CCDC82: variants seen among roughly 807,000 people sequenced by gnomAD.
CCDC82 encodes the protein coiled-coil domain containing 82, also known as coiled-coil domain-containing protein 82.
In CCDC82, 47 loss-of-function variants were observed where a neutral mutation model predicts 60.6. The observed-to-expected ratio is 0.77, with a 90% CI of 0.61 to 0.99. The LOEUF (loss-of-function observed/expected upper bound fraction) is 0.99. CCDC82 is among the 50% of genes least tolerant of loss of function. The pLI is 0.00. For synonymous variants in CCDC82, 212 were observed against 207.4 expected, an observed-to-expected ratio of 1.02 and a Z score of -0.19; for missense variants, 588 against 633.0, an observed-to-expected ratio of 0.93 and a Z score of 0.76.
intron 9 of CCDC82, chr11:96,355,298 G>A (rs1001535591): frequency 1.3e-5 from 2 of 151,996 alleles, no homozygotes; most frequent in Non-Finnish European, 2.9e-5. Flanking sequence ...GGGCTCAGGC[G>A]ATTCTACCAC....
intron 5 of CCDC82, among the ~76,000 whole-genome samples, chr11:96,380,317 T>TA (rs572628552): frequency 3.2e-4 from 49 of 151,768 alleles, no homozygotes; most frequent in Middle Eastern, 6.8e-3. Flanking sequence ...TTTGTAGGGA[T>TA]AAAATCATTG....
chr11:96,370,715 A>G (rs1330932767), intron 7 of CCDC82, among the ~76,000 whole-genome samples: 1 of 151,988 alleles, frequency 6.6e-6, no homozygotes, highest in Non-Finnish European at 1.5e-5. Flanking sequence ...TGACCATGGA[A>G]CTCTCTTTTC....
intron 7 of CCDC82, 82 bp from the exon 8 acceptor site, chr11:96,365,232 A>G: frequency 1.1e-6 from 1 of 911,000 alleles, no homozygotes; most frequent in Non-Finnish European, 1.6e-6. Context: ...AAAACATCTT[A>G]GGGATTACAA....
rs540552335 is a variant in CCDC82 at position 96,388,240 on chromosome 11, G to C, written c.-138-627C>G. On this transcript the variant is annotated intron_variant, in intron 1 of 9. Coordinates refer to ENST00000646818, the MANE Select transcript of CCDC82 (RefSeq NM_024725.4). ...GGAAGAGAAATGTGAAGGAAAGCTAGTTTGATGGGTAAGATACCTCTTGGT... is the reference window on the plus strand; with the variant it reads ...GGAAGAGAAATGTGAAGGAAAGCTACTTTGATGGGTAAGATACCTCTTGGT... The C allele has an allele frequency of 3.9e-5, 6 of 152,354 alleles. No homozygotes were observed. In the East Asian group the frequency reaches 1.2e-3, roughly 29 times the overall value. The allele number at this position is 152,354 out of a possible 1,614,324, so 9.4% of individuals were successfully genotyped here.
At chr11:96,379,596 G>A (rs140933598) in intron 5 of CCDC82, among the ~76,000 whole-genome samples, 101 of 151,832 alleles carry the variant, frequency 6.7e-4, no homozygotes, top group African/African-American at 2.3e-3. Flanking sequence ...TTGTTTTATT[G>A]AGCTTTACTA....
At chr11:96,356,908 G>C (rs1330951230) in intron 9 of CCDC82, 1 of 985,318 alleles carries the variant, frequency 1.0e-6, no homozygotes, top group Admixed American at 6.2e-5. Flanking sequence ...ATACAAGCTG[G>C]AGGCAGAAAG....
At chr11:96,388,512 C>A (rs981852138) in intron 1 of CCDC82, 1 of 152,142 alleles carries the variant, frequency 6.6e-6, no homozygotes, top group Non-Finnish European at 1.5e-5. Flanking sequence ...ATGTTATCTG[C>A]CAAAGAATAT....
At chr11:96,374,465 G>A (rs1865458173) in intron 5 of CCDC82, among the ~76,000 whole-genome samples, 1 of 152,026 alleles carries the variant, frequency 6.6e-6, no homozygotes, top group Non-Finnish European at 1.5e-5. Context: ...TTTCTAAGGA[G>A]ACACCTATAG....
intron 9 of CCDC82, 116 bp downstream of exon 9, chr11:96,358,877 C>A: frequency 9.7e-7 from 1 of 1,032,148 alleles, no homozygotes; most frequent in Non-Finnish European, 1.4e-6. Flanking sequence ...AAAATACAAA[C>A]GACAGAAGAA....
intron 1 of CCDC82, chr11:96,388,695 T>C (rs1866349603): frequency 6.6e-6 from 1 of 152,228 alleles, no homozygotes; most frequent in African/African-American, 2.4e-5. Context: ...AATCACCTAC[T>C]TGCTGTATAA....
rs772648562 is a variant in CCDC82 at position 96,383,978 on chromosome 11, C to G, written c.770G>C (p.Ser257Thr). Residue 257 changes from serine to threonine, a missense_variant, in exon 4 of 10, where the codon AGT becomes ACT. Coordinates refer to ENST00000646818, the MANE Select transcript of CCDC82 (RefSeq NM_024725.4). ...ATAACACACCTCAAAATCTCTACCA[C>G]TACTGCGTCTCTGACGAGATCTTTG... ...SKQRSRQRRS[S>T]GRDFEDSEKE... 1.2e-6 allele frequency: 2 copies of G among 1,611,926 alleles called. No homozygotes were observed. The highest frequency in any genetic ancestry group is 1.7e-6 in the Non-Finnish European group (2 of 1,179,094).
At chr11:96,353,972 T>C (rs1023622369) in intron 9 of CCDC82, 1 of 277,550 alleles carries the variant, frequency 3.6e-6, no homozygotes, top group African/African-American at 2.2e-5. Context: ...AATTATAATT[T>C]TTATATTATC....
intron 9 of CCDC82, chr11:96,356,245 G>C (rs1418492233): frequency 5.9e-6 from 1 of 168,142 alleles, no homozygotes; most frequent in Non-Finnish European, 1.2e-5. Context: ...CAGTTTAAGG[G>C]GTGGGGAAAA....
chr11:96,356,999 G>A (rs1298659732), intron 9 of CCDC82: 4 of 985,340 alleles, frequency 4.1e-6, no homozygotes, highest in Admixed American at 6.1e-5. Context: ...CATGGAGACG[G>A]CATTCAAGTA....
chr11:96,369,352 CT>C, intron 7 of CCDC82, among the ~76,000 whole-genome samples: 1 of 152,212 alleles, frequency 6.6e-6, no homozygotes, highest in East Asian at 1.9e-4. Context: ...CCTATCTGAA[CT>C]TTTGACATGC....
In CCDC82 at chr11:96,384,591, C is replaced by T. The variant is rs750977431; in HGVS notation, c.157G>A (p.Glu53Lys). 3 of 1,613,500 alleles carry T rather than the reference C, an allele frequency of 1.9e-6. No homozygotes were observed. Among genetic ancestry groups the T allele is most frequent in the Non-Finnish European group, 1.7e-6 (2 of 1,179,630 alleles). ...ELDSEEFDSD[E>K]ELDSDESFEN... is the part of the protein sequence containing the mutation. The stretch of plus-strand genomic sequence containing the variant: ...AAACTTTCATCACTATCAAGCTCTT[C>T]ATCACTATCAAATTCTTCACTATCA... The change falls in exon 4 of 10, where the codon GAA (glutamate) becomes AAA (lysine). Residue 53 changes from glutamate to lysine, a missense_variant. Transcript: ENST00000646818.
At chr11:96,371,577 G>A (rs1030997599) in intron 6 of CCDC82, among the ~76,000 whole-genome samples, 6 of 152,182 alleles carry the variant, frequency 3.9e-5, no homozygotes, top group African/African-American at 7.2e-5. Context: ...GTGAGACTCC[G>A]TCTCAAAAAG....
intron 6 of CCDC82, among the ~76,000 whole-genome samples, chr11:96,371,754 C>A (rs530631921): frequency 6.6e-6 from 1 of 152,312 alleles, no homozygotes; most frequent in Admixed American, 6.5e-5. Flanking sequence ...AGGCCGTCTA[C>A]AATTGACTCC....
chr11:96,382,630 T>C (rs924846445), intron 5 of CCDC82: 5 of 151,904 alleles, frequency 3.3e-5, no homozygotes, highest in African/African-American at 9.7e-5. Flanking sequence ...TTCATTTATA[T>C]GGTTTTGAAT....
Sources: gnomAD v4.1 joint callset for allele counts (sites outside exome capture counted in the v4.1 genomes callset) on GRCh38, gnomAD v4.1.1 for gene constraint, MANE v1.5 for transcripts, NCBI Gene and HGNC (gene_info 2026-07-23, HGNC 2026-07-21) for gene names.